Variants in CNBD1 observed in about 807,000 individuals in gnomAD.
The protein encoded by CNBD1 is cyclic nucleotide-binding domain-containing protein 1.
CNBD1 carries 71 observed loss-of-function variants against 54.4 expected under a neutral mutation model. That is an observed-to-expected ratio of 1.30 (90% CI 1.08 to 1.59). The LOEUF is 1.59. Ranked by LOEUF, CNBD1 falls within the 40% of genes most tolerant of loss-of-function variation. The pLI is 0.00. For missense variants in CNBD1, 659 were observed against 518.0 expected, an observed-to-expected ratio of 1.27 and a Z score of -2.64; for synonymous variants, 182 against 170.7, an observed-to-expected ratio of 1.07 and a Z score of -0.51.
chr8:87,215,447 G>T (rs1814188632), intron 5 of CNBD1, among the ~76,000 whole-genome samples: 1 of 151,984 alleles, frequency 6.6e-6, no homozygotes, highest in Non-Finnish European at 1.5e-5. Context: ...AATTAGCTGG[G>T]CATGGTGGCG....
intron 1 of CNBD1, among the ~76,000 whole-genome samples, chr8:86,875,018 ATATG>A (rs1554626904): frequency 7.2e-6 from 1 of 139,130 alleles, no homozygotes; most frequent in African/African-American, 2.7e-5. Context: ...ATATATATAT[ATATG>A]TATTAAAAAT....
chr8:87,235,908 G>T (rs1807575399), intron 5 of CNBD1, among the ~76,000 whole-genome samples: 1 of 152,024 alleles, frequency 6.6e-6, no homozygotes, highest in Non-Finnish European at 1.5e-5. Flanking sequence ...TTTAAGCTCA[G>T]ACATCCAAGC....
intron 4 of CNBD1, among the ~76,000 whole-genome samples, chr8:86,959,896 G>A (rs1256464172): frequency 3.3e-5 from 5 of 152,126 alleles, no homozygotes; most frequent in Non-Finnish European, 7.3e-5. Flanking sequence ...TTCCGTTGTT[G>A]GCGAGGAGCT....
At chr8:87,387,756 C>A (rs143049486), downstream of CNBD1, among the ~76,000 whole-genome samples, 83 of 152,028 alleles carry the variant, frequency 5.5e-4, no homozygotes, top group African/African-American at 1.9e-3. Context: ...CCAAGAGGAC[C>A]TAATAGACAT....
intron 5 of CNBD1, among the ~76,000 whole-genome samples, chr8:87,223,460 C>A (rs1415071566): frequency 6.7e-6 from 1 of 149,040 alleles, no homozygotes; most frequent in East Asian, 2.0e-4. Flanking sequence ...TCTCATTGTT[C>A]AATTCCCACC....
Position 87,321,338 on chromosome 8 carries a change from G to A in CNBD1, c.1043-30347G>A, listed in dbSNP as rs184919351. Among the ~76,000 whole-genome samples, 476 of 152,194 alleles carry A rather than the reference G, an allele frequency of 3.1e-3. 3 individuals carry two copies. The highest frequency in any genetic ancestry group is 2.6e-3 in the Non-Finnish European group (179 of 68,000). ...AATTTCAACATGTCCTTACCAATTTGTAGTTTTCTGGTTTGTGTTTGTTTG... is the reference window on the plus strand; with the variant it reads ...AATTTCAACATGTCCTTACCAATTTATAGTTTTCTGGTTTGTGTTTGTTTG... On this transcript the variant is annotated intron_variant, in intron 8 of 10. Transcript: ENST00000518476.
At chr8:87,101,556 T>C (rs1228102233) in intron 4 of CNBD1, among the ~76,000 whole-genome samples, 2 of 152,118 alleles carry the variant, frequency 1.3e-5, no homozygotes, top group African/African-American at 2.4e-5. Context: ...TTGGAGACTT[T>C]ACACATTTCT....
At chr8:87,087,463 C>CTTTTT (rs758497467) in intron 4 of CNBD1, among the ~76,000 whole-genome samples, 1 of 127,918 alleles carries the variant, frequency 7.8e-6, no homozygotes, top group African/African-American at 3.0e-5. Context: ...GAAGTACATT[C>CTTTTT]TTTTTTTTTT....
chr8:87,154,640 A>G (rs1812677247), intron 4 of CNBD1, among the ~76,000 whole-genome samples: 1 of 152,138 alleles, frequency 6.6e-6, no homozygotes, highest in Admixed American at 6.5e-5. Context: ...TTTATTTCAT[A>G]TGGTGTTTTT....
chr8:87,039,928 C>G (rs2130607550), intron 4 of CNBD1, among the ~76,000 whole-genome samples: 1 of 152,134 alleles, frequency 6.6e-6, no homozygotes, highest in East Asian at 1.9e-4. Context: ...TGAGTCAGTT[C>G]TTGGGTGGGG....
chr8:86,938,891 A>G, intron 3 of CNBD1, among the ~76,000 whole-genome samples: 1 of 152,336 alleles, frequency 6.6e-6, no homozygotes, highest in East Asian at 1.9e-4. Flanking sequence ...CACATATCTT[A>G]TATTTAATTT....
chr8:87,314,370 A>G (rs1479511981), intron 8 of CNBD1, among the ~76,000 whole-genome samples: 4 of 151,870 alleles, frequency 2.6e-5, no homozygotes, highest in Admixed American at 6.6e-5. Flanking sequence ...GGAAAATCAT[A>G]TCCTTATCTT....
intron 8 of CNBD1, among the ~76,000 whole-genome samples, chr8:87,312,672 G>C (rs191563047): frequency 1.1e-3 from 168 of 151,946 alleles, no homozygotes; most frequent in Admixed American, 3.8e-3. Flanking sequence ...ATCATATATT[G>C]ATTTTTTAGC....
chr8:86,874,106 C>A (rs1426461191), intron 1 of CNBD1, among the ~76,000 whole-genome samples: 1 of 152,180 alleles, frequency 6.6e-6, no homozygotes, highest in Non-Finnish European at 1.5e-5. Flanking sequence ...ATGCCAGCAC[C>A]ATACTGTTAT....
intron 4 of CNBD1, among the ~76,000 whole-genome samples, chr8:86,998,310 T>G (rs1313143411): frequency 1.3e-5 from 2 of 152,076 alleles, no homozygotes; most frequent in Non-Finnish European, 2.9e-5. Context: ...TGCATGTACT[T>G]TCTCCATAAG....
chr8:87,387,918 G>A (rs902493584), intron 2 of CNBD1, among the ~76,000 whole-genome samples: 3 of 152,176 alleles, frequency 2.0e-5, no homozygotes, highest in Admixed American at 6.5e-5. Context: ...TCAGACCACA[G>A]TGCAATCAAA....
intron 4 of CNBD1, among the ~76,000 whole-genome samples, chr8:87,201,966 A>G (rs113350852): frequency 6.6e-6 from 1 of 152,142 alleles, no homozygotes; most frequent in African/African-American, 2.4e-5. Context: ...AATATTGGTA[A>G]CAGACATCCA....
At chr8:87,312,568 T>C (rs1288416902) in intron 8 of CNBD1, among the ~76,000 whole-genome samples, 1 of 152,098 alleles carries the variant, frequency 6.6e-6, no homozygotes, top group Non-Finnish European at 1.5e-5. Context: ...AGACAATCTA[T>C]CTTTTCTGAC....
chr8:87,275,133 A>G (rs1322498235), intron 6 of CNBD1, among the ~76,000 whole-genome samples: 3 of 137,880 alleles, frequency 2.2e-5, no homozygotes, highest in East Asian at 2.0e-4. Flanking sequence ...ATTGATCTGT[A>G]TGTCTGTTTT....
Sources: gnomAD v4.1 joint callset for allele counts (sites outside exome capture counted in the v4.1 genomes callset) on GRCh38, gnomAD v4.1.1 for gene constraint, MANE v1.5 for transcripts, NCBI Gene and HGNC (gene_info 2026-07-23, HGNC 2026-07-21) for gene names.